The following SLC24A3 variants were observed in gnomAD, a reference collection of about 807,000 sequenced individuals.
The protein encoded by SLC24A3 is sodium/potassium/calcium exchanger 3.
A neutral mutation model predicts 75.8 loss-of-function variants in SLC24A3; 28 were observed. That is an observed-to-expected ratio of 0.37 (90% CI 0.27 to 0.51). The LOEUF is 0.51. Among genes scored for constraint, SLC24A3 ranks in the 20% least tolerant of loss-of-function variants. SLC24A3 has a pLI of 0.94. For synonymous variants in SLC24A3, 372 were observed against 334.1 expected, an observed-to-expected ratio of 1.11 and a Z score of -1.24; for missense variants, 663 against 847.8, an observed-to-expected ratio of 0.78 and a Z score of 2.71.
At chr20:19,659,085 A>G (rs1259257379) in intron 7 of SLC24A3, among the ~76,000 whole-genome samples, 1 of 152,196 alleles carries the variant, frequency 6.6e-6, no homozygotes. Context: ...GAACATGGAG[A>G]GGAGGGCAGC....
intron 6 of SLC24A3, among the ~76,000 whole-genome samples, chr20:19,599,963 C>T (rs902708781): frequency 1.3e-5 from 2 of 152,142 alleles, no homozygotes; most frequent in African/African-American, 4.8e-5. Flanking sequence ...CCTTGGTAAA[C>T]GTGTGCTTTC....
intron 7 of SLC24A3, among the ~76,000 whole-genome samples, chr20:19,662,848 C>G (rs778913284): frequency 6.6e-6 from 1 of 152,258 alleles, no homozygotes; most frequent in African/African-American, 2.4e-5. Context: ...TCATCCTTGC[C>G]GTTTGTAGAG....
intron 2 of SLC24A3, among the ~76,000 whole-genome samples, chr20:19,506,303 A>G (rs1044096892): frequency 9.2e-5 from 14 of 152,202 alleles, no homozygotes; most frequent in Non-Finnish European, 2.1e-4. Context: ...CCTCTAGGCC[A>G]TCTGTTCCCA....
At chr20:19,420,399 G>C (rs1360830978) in intron 2 of SLC24A3, among the ~76,000 whole-genome samples, 2 of 113,700 alleles carry the variant, frequency 1.8e-5, no homozygotes, top group Non-Finnish European at 3.5e-5. Context: ...CTGAGGAATC[G>C]CCACACTGAC....
chr20:19,700,849 C>T (rs1051287406), intron 15 of SLC24A3, among the ~76,000 whole-genome samples: 71 of 152,150 alleles, frequency 4.7e-4, no homozygotes, highest in African/African-American at 1.7e-3. Flanking sequence ...TCAAACCTTT[C>T]ACTGTTGTAA....
At chr20:19,679,595 G>A (rs8117633) in intron 9 of SLC24A3, among the ~76,000 whole-genome samples, 18,071 of 151,444 alleles carry the variant, frequency 0.12, 1,572 homozygotes, top group African/African-American at 0.24. Context: ...GTGGGGAGAG[G>A]GAGAGGGAGA....
At chr20:19,339,554 A>C (rs1231319887) in intron 2 of SLC24A3, among the ~76,000 whole-genome samples, 1 of 152,190 alleles carries the variant, frequency 6.6e-6, no homozygotes, top group African/African-American at 2.4e-5. Context: ...AAGAAACAGA[A>C]ATTGTTAAGT....
intron 2 of SLC24A3, among the ~76,000 whole-genome samples, chr20:19,373,311 C>T (rs901632067): frequency 2.6e-5 from 4 of 152,226 alleles, no homozygotes; most frequent in Admixed American, 6.5e-5. Context: ...CTGCCCAGGT[C>T]CAGCCCCATG....
At chr20:19,425,365 C>T (rs779776213) in intron 2 of SLC24A3, among the ~76,000 whole-genome samples, 3 of 152,182 alleles carry the variant, frequency 2.0e-5, no homozygotes, top group Admixed American at 6.5e-5. Context: ...GACCAGCCCC[C>T]GGCCTTTTTG....
At chr20:19,368,081 T>G (rs933041683) in intron 2 of SLC24A3, among the ~76,000 whole-genome samples, 3 of 152,248 alleles carry the variant, frequency 2.0e-5, no homozygotes, top group East Asian at 1.9e-4. Context: ...AATAGGGCTG[T>G]GAGGGTGTGT....
intron 3 of SLC24A3, among the ~76,000 whole-genome samples, chr20:19,556,413 T>G (rs370242639): frequency 6.6e-6 from 1 of 152,118 alleles, no homozygotes; most frequent in Non-Finnish European, 1.5e-5. Flanking sequence ...CACCCCATCG[T>G]CCAAATTAGT....
chr20:19,611,053 T>A (rs1211026565), intron 6 of SLC24A3, among the ~76,000 whole-genome samples: 1 of 152,202 alleles, frequency 6.6e-6, no homozygotes, highest in Admixed American at 6.5e-5. Context: ...GGTAGGAAGA[T>A]GCTGGCTTCA....
intron 8 of SLC24A3, among the ~76,000 whole-genome samples, chr20:19,666,220 T>C (rs1200602277): frequency 1.3e-5 from 2 of 152,128 alleles, no homozygotes; most frequent in Admixed American, 1.3e-4. Flanking sequence ...TTTGACTGAT[T>C]TTTGGGCCGG....
chr20:19,644,297 A>G (rs1010875205), intron 6 of SLC24A3, among the ~76,000 whole-genome samples: 2 of 152,026 alleles, frequency 1.3e-5, no homozygotes, highest in African/African-American at 4.8e-5. Flanking sequence ...TGTGACTCAG[A>G]CCCTGAATTC....
At position 19,388,202 on chromosome 20, in the gene SLC24A3, A is replaced by T. The variant is rs1420744776; in HGVS notation, c.271+107115A>T. On this transcript the variant is annotated intron_variant, in intron 2 of 16. Coordinates refer to ENST00000328041, the MANE Select transcript of SLC24A3 (RefSeq NM_020689.4). ...TAGTAGGTCTTCTTTATTTTTTCTA[A>T]CTATCCCTACTATTGTATTGCTTTC... is the stretch of plus-strand genomic sequence containing the variant. Among the ~76,000 whole-genome samples the T allele has an allele frequency of 2.0e-5, 3 of 152,158 alleles. No homozygotes were observed. In the East Asian group the frequency reaches 5.8e-4, roughly 29 times the overall value.
chr20:19,673,148 C>T (rs1396029185), intron 8 of SLC24A3, among the ~76,000 whole-genome samples: 2 of 152,174 alleles, frequency 1.3e-5, no homozygotes, highest in Non-Finnish European at 2.9e-5. Context: ...TGTCTGTCTG[C>T]CTGCCTCTCT....
At chr20:19,328,869 C>T (rs1984930262) in intron 2 of SLC24A3, among the ~76,000 whole-genome samples, 2 of 152,164 alleles carry the variant, frequency 1.3e-5, no homozygotes, top group South Asian at 2.1e-4. Flanking sequence ...CAGGAGCAAG[C>T]GTAAGCAGAG....
At chr20:19,338,943 A>G (rs934077970) in intron 2 of SLC24A3, among the ~76,000 whole-genome samples, 2 of 152,122 alleles carry the variant, frequency 1.3e-5, no homozygotes, top group Non-Finnish European at 2.9e-5. Context: ...AAGGCTGGGA[A>G]GGCTTAGTTT....
At chr20:19,621,639 C>A (rs949959681) in intron 6 of SLC24A3, among the ~76,000 whole-genome samples, 2 of 152,082 alleles carry the variant, frequency 1.3e-5, no homozygotes, top group African/African-American at 4.8e-5. Context: ...CACTGGGGAT[C>A]GGGTTAAAAT....
Sources: gnomAD v4.1 joint callset for allele counts (sites outside exome capture counted in the v4.1 genomes callset) on GRCh38, gnomAD v4.1.1 for gene constraint, MANE v1.5 for transcripts, NCBI Gene and HGNC (gene_info 2026-07-23, HGNC 2026-07-21) for gene names.